The following COX18 variants were observed in gnomAD, a reference collection of about 807,000 sequenced individuals.
COX18 encodes the protein cytochrome c oxidase assembly factor COX18, also known as cytochrome c oxidase assembly protein COX18, mitochondrial.
Under a neutral mutation model 38.0 loss-of-function variants are expected in COX18, and 45 were observed. The ratio of observed to expected loss-of-function variants is 1.18; its 90% CI spans 0.93 to 1.52. COX18 has a LOEUF of 1.52. Ranked by LOEUF, COX18 falls within the 40% of genes most tolerant of loss-of-function variation. COX18 has a pLI of 0.00. For synonymous variants in COX18, 177 were observed against 169.8 expected, an observed-to-expected ratio of 1.04 and a Z score of -0.33; for missense variants, 462 against 423.8, an observed-to-expected ratio of 1.09 and a Z score of -0.79.
At chr4:73,062,371 C>G (rs540945959) in intron 4 of COX18, among the ~76,000 whole-genome samples, 24 of 148,704 alleles carry the variant, frequency 1.6e-4, no homozygotes, top group African/African-American at 5.7e-4. Context: ...AAAAAAACGA[C>G]AACAAAAAAA....
intron 4 of COX18, among the ~76,000 whole-genome samples, chr4:73,062,832 C>A (rs527401770): frequency 6.8e-6 from 1 of 146,066 alleles, no homozygotes; most frequent in Non-Finnish European, 1.5e-5. Flanking sequence ...GTAAGACCGT[C>A]TCCAAAAAAA....
At chr4:73,067,864 A>AAAAAATAAATATATATATATATATATAT in intron 2 of COX18, among the ~76,000 whole-genome samples, 165 bp downstream of exon 2, 1 of 20,010 alleles carries the variant, frequency 5.0e-5, no homozygotes, top group African/African-American at 9.1e-5. Context: ...AAAAAAAAAA[A>AAAAAATAAATATATATATATATATATAT]ATATATATAT....
chr4:73,068,398 T>A (rs562646032), intron 1 of COX18, among the ~76,000 whole-genome samples: 1 of 152,296 alleles, frequency 6.6e-6, no homozygotes, highest in Admixed American at 6.5e-5. Context: ...TAACAGCACC[T>A]ACTTCACAGG....
At chr4:73,059,166 C>T (rs1720031705) in intron 5 of COX18, among the ~76,000 whole-genome samples, 1 of 152,154 alleles carries the variant, frequency 6.6e-6, no homozygotes, top group African/African-American at 2.4e-5. Flanking sequence ...CTACAACCTC[C>T]TGAAATACTC....
chr4:73,064,714 A>G (rs892545365), intron 4 of COX18, 64 bp downstream of exon 4: 290 of 1,571,098 alleles, frequency 1.8e-4, no homozygotes, highest in Non-Finnish European at 2.5e-4. Context: ...ACAGATTTGA[A>G]GTCAAAACAG....
At chr4:73,069,153 AT>A (rs989329231) in intron 1 of COX18, among the ~76,000 whole-genome samples, 163 bp downstream of exon 1, 3 of 152,220 alleles carry the variant, frequency 2.0e-5, no homozygotes, top group East Asian at 1.9e-4. Context: ...TGCTAGTTCA[AT>A]TTTTTTTAAC....
chr4:73,068,975 A>C (rs1337413979), intron 1 of COX18, among the ~76,000 whole-genome samples: 2 of 152,240 alleles, frequency 1.3e-5, no homozygotes, highest in Non-Finnish European at 2.9e-5. Context: ...AACTTTTAAG[A>C]CATAAATTTT....
chr4:73,069,594 CA>C lies in COX18; in HGVS notation c.55del (p.Trp19GlyfsTer101), dbSNP rs1211668097. On this transcript the variant is annotated frameshift_variant, in exon 1 of 6. Coordinates refer to ENST00000507544, the MANE Select transcript of COX18 (RefSeq NM_001297732.2). LOFTEE classifies it high-confidence loss of function. The stretch of plus-strand genomic sequence containing the variant: ...CGGCGCAAGCGGCAGGTCCCTAGCC[CA>C]AAGCTGCAGGGCAGGGAGCGGCCGC... ...WLRPLPALQL[W>X]ARDLPLAPVP... The C allele has an allele frequency of 1.3e-6, 2 of 1,558,762 alleles. No individual in the cohort carries two copies. Among genetic ancestry groups the C allele is most frequent in the Non-Finnish European group, 1.7e-6 (2 of 1,154,080 alleles).
chr4:73,065,043 A>G, intron 3 of COX18, 141 bp from the exon 4 acceptor site: 1 of 990,244 alleles, frequency 1.0e-6, no homozygotes, highest in Non-Finnish European at 1.5e-6. Flanking sequence ...CCAGTTTTTC[A>G]CGCACAATAT....
rs558095791 is a variant in COX18 at position 73,065,483 on chromosome 4, A to T, written c.435-70T>A. 102 of 1,318,836 alleles carry T rather than the reference A, an allele frequency of 7.7e-5. 2 individuals carry two copies. The South Asian group carries it at 1.3e-3, about 17-fold the overall frequency. 81.7% of individuals were successfully genotyped at this position (1,318,836 alleles called of 1,614,324 possible). On this transcript the variant is annotated intron_variant, in intron 2 of 5. Transcript: ENST00000507544. ...TCTAAGAATCGTGCTTTATTTCCAT[A>T]GCACAAATAGCGCCTGCTGTAGTTA... is the stretch of plus-strand genomic sequence containing the variant.
rs112552421 is a variant in COX18, at chr4:73,064,909, C to T, written c.599-7G>A. ...TCCTGAACAGAAAAACCTGCTAAAA[C>T]AGTTTTATAAATAAAACAATAGAAG... is the stretch of plus-strand genomic sequence containing the variant. On this transcript the variant is annotated splice_region_variant and splice_polypyrimidine_tract_variant and intron_variant, in intron 3 of 5. Transcript: ENST00000507544. 1.2e-3 allele frequency: 1,883 copies of T among 1,612,480 alleles called. 42 individuals carry two copies. In the South Asian group the frequency reaches 0.017, roughly 15 times the overall value.
upstream of COX18, chr4:73,069,741 C>CAG: frequency 1.6e-6 from 2 of 1,276,316 alleles, no homozygotes; most frequent in Non-Finnish European, 2.2e-6. Context: ...GCGCCAGCAA[C>CAG]AGCGGGCATA....
rs1719826100 is a variant in COX18 at position 73,054,698 on chromosome 4, A to G, written c.*3416T>C. The G allele has an allele frequency of 6.6e-6, 1 of 152,238 alleles. No homozygotes were observed. The highest frequency in any genetic ancestry group is 1.5e-5 in the Non-Finnish European group (1 of 68,048). The allele number at this position is 152,238 out of a possible 1,614,324, so 9.4% of individuals were successfully genotyped here. ...AAGGGGACTCACAGTAAACAAGGTA[A>G]ATTATGCACATGAAAGAAGATTCAT... On this transcript the variant is annotated 3_prime_UTR_variant, in exon 6 of 6. Coordinates refer to ENST00000507544, the MANE Select transcript of COX18 (RefSeq NM_001297732.2).
intron 5 of COX18, among the ~76,000 whole-genome samples, chr4:73,060,683 C>A (rs1056434996): frequency 2.0e-5 from 3 of 151,944 alleles, no homozygotes; most frequent in African/African-American, 7.3e-5. Flanking sequence ...AGTTCAAGAC[C>A]AGCCTGGCCA....
In COX18 at chr4:73,054,251, T is replaced by C. The variant is rs1719815191; in HGVS notation, c.*3863A>G. ...TTAAGAGCATGCATATTCCCTGTTC[T>C]GTAGCCCTGACTTCATTCAGGTTCT... is the stretch of plus-strand genomic sequence containing the variant. On this transcript the variant is annotated 3_prime_UTR_variant, in exon 6 of 6. Transcript: ENST00000507544. 1 of 152,258 alleles carries C rather than the reference T, an allele frequency of 6.6e-6. No individual in the cohort carries two copies. Among genetic ancestry groups the C allele is most frequent in the Admixed American group, 6.5e-5 (1 of 15,286 alleles). 9.4% of individuals were successfully genotyped at this position (152,258 alleles called of 1,614,324 possible).
chr4:73,059,223 T>A (rs1720033722), intron 5 of COX18, among the ~76,000 whole-genome samples: 1 of 152,216 alleles, frequency 6.6e-6, no homozygotes, highest in African/African-American at 2.4e-5. Context: ...CAGAAGGTAA[T>A]CAGGCCCCAG....
rs1261900018 is a variant in COX18, at chr4:73,056,387, C to T, written c.*1727G>A. ...TTAAAATCACCTCAATAGGCAACTGCCCTTCTGGTTTTCTTCTTTGACTAA... is the reference window on the plus strand; with the variant it reads ...TTAAAATCACCTCAATAGGCAACTGTCCTTCTGGTTTTCTTCTTTGACTAA... On this transcript the variant is annotated 3_prime_UTR_variant, in exon 6 of 6. Coordinates refer to ENST00000507544, the MANE Select transcript of COX18 (RefSeq NM_001297732.2). 1 of 152,196 alleles carries T rather than the reference C, an allele frequency of 6.6e-6. No homozygotes were observed. The highest frequency in any genetic ancestry group is 2.4e-5 in the African/African-American group (1 of 41,452). 9.4% of individuals were successfully genotyped at this position (152,196 alleles called of 1,614,324 possible).
intron 4 of COX18, among the ~76,000 whole-genome samples, chr4:73,064,539 G>A (rs535224283): frequency 1.3e-3 from 191 of 152,322 alleles, no homozygotes; most frequent in African/African-American, 4.5e-3. Flanking sequence ...ATATAATTTT[G>A]AAGCTGAAAG....
chr4:73,064,608 G>A (rs565498219), intron 4 of COX18, among the ~76,000 whole-genome samples, 170 bp downstream of exon 4: 1 of 152,248 alleles, frequency 6.6e-6, no homozygotes, highest in Non-Finnish European at 1.5e-5. Flanking sequence ...GGCCCAGAGA[G>A]GTTAAGGGAC....
Sources: allele counts gnomAD v4.1 joint callset (sites outside exome capture counted in the v4.1 genomes callset), GRCh38; gene constraint gnomAD v4.1.1; transcripts MANE v1.5; gene names NCBI Gene and HGNC (gene_info 2026-07-23, HGNC 2026-07-21).